The following MYO5A variants were observed in gnomAD, a reference collection of about 807,000 sequenced individuals.
MYO5A encodes unconventional myosin-Va.
In MYO5A, 98 loss-of-function variants were observed where a neutral mutation model predicts 249.7. That is an observed-to-expected ratio of 0.39 (90% CI 0.33 to 0.46). The LOEUF (loss-of-function observed/expected upper bound fraction) is 0.46, where lower values mean the gene tolerates loss of function less well. MYO5A is among the 20% of genes least tolerant of loss of function. The pLI, the probability that MYO5A is intolerant of heterozygous loss-of-function variation, is 0.98. For missense variants in MYO5A, 1,696 were observed against 2,308.8 expected, an observed-to-expected ratio of 0.73 and a Z score of 5.44; for synonymous variants, 778 against 810.6, an observed-to-expected ratio of 0.96 and a Z score of 0.68.
chr15:52,442,556 T>C (rs1038967171), intron 1 of MYO5A, among the ~76,000 whole-genome samples: 3 of 152,232 alleles, frequency 2.0e-5, no homozygotes, highest in South Asian at 2.1e-4. Flanking sequence ...TGAGCACCTT[T>C]TGTGTGCCAG....
Position 52,453,592 on chromosome 15 carries a change from A to G in MYO5A, c.28-20307T>C, listed in dbSNP as rs370258493. ...GATGTGCTTTCAATTCATAACTAGTATAATGTCTGGAAGATAAATCTATCA... is the reference window on the plus strand; with the variant it reads ...GATGTGCTTTCAATTCATAACTAGTGTAATGTCTGGAAGATAAATCTATCA... On this transcript the variant is annotated intron_variant, in intron 1 of 41. Coordinates refer to ENST00000399233, the MANE Select transcript of MYO5A (RefSeq NM_001382347.1). Among the ~76,000 whole-genome samples, 25 of 152,348 alleles carry G rather than the reference A, an allele frequency of 1.6e-4. No individual in the cohort carries two copies. In the East Asian group the frequency reaches 4.8e-3, roughly 29 times the overall value.
At chr15:52,459,147 A>ATTTTTT (rs531798708) in intron 1 of MYO5A, among the ~76,000 whole-genome samples, 4 of 64,248 alleles carry the variant, frequency 6.2e-5, no homozygotes, top group Non-Finnish European at 9.1e-5. Flanking sequence ...TTTTCCAGAA[A>ATTTTTT]TTTTTTTTTT....
intron 1 of MYO5A, among the ~76,000 whole-genome samples, chr15:52,504,865 G>A (rs1263897762): frequency 6.6e-6 from 1 of 151,324 alleles, no homozygotes; most frequent in Non-Finnish European, 1.5e-5. Flanking sequence ...CTCCAGCCCG[G>A]GCGACACAGC....
intron 25 of MYO5A, among the ~76,000 whole-genome samples, chr15:52,356,057 C>T (rs1188205383): frequency 4.6e-5 from 7 of 151,984 alleles, no homozygotes; most frequent in Non-Finnish European, 2.9e-5. Context: ...ACATGTTTAC[C>T]TAAGGTTTTA....
intron 1 of MYO5A, among the ~76,000 whole-genome samples, chr15:52,447,913 C>T (rs183390574): frequency 1.5e-4 from 23 of 152,292 alleles, no homozygotes; most frequent in East Asian, 3.9e-4. Flanking sequence ...AGAAGATGTA[C>T]GGAAAAGCCT....
chr15:52,374,528 T>C (rs143059887), intron 20 of MYO5A, among the ~76,000 whole-genome samples: 184 of 152,382 alleles, frequency 1.2e-3, no homozygotes, highest in African/African-American at 3.7e-3. Flanking sequence ...GGGAGGATTA[T>C]CCTGGATCAC....
At position 52,528,679 on chromosome 15, in the gene MYO5A, G is replaced by A. The variant is rs1388468642; in HGVS notation, c.27+101C>T. ...GCGCTGAAGGGGATGGCGCTGGTGG[G>A]GCTCGCCTGGGCCCGGCGCTCCCGC... On this transcript the variant is annotated intron_variant, in intron 1 of 41. Coordinates refer to ENST00000399233, the MANE Select transcript of MYO5A (RefSeq NM_001382347.1). 4 of 1,344,356 alleles carry A rather than the reference G, an allele frequency of 3.0e-6. No individual in the cohort carries two copies. The African/African-American group carries it at 6.1e-5, about 21-fold the overall frequency. 83.3% of individuals were successfully genotyped at this position (1,344,356 alleles called of 1,614,324 possible).
chr15:52,481,556 T>G (rs955308036), intron 1 of MYO5A, among the ~76,000 whole-genome samples: 1 of 151,704 alleles, frequency 6.6e-6, no homozygotes, highest in African/African-American at 2.4e-5. Flanking sequence ...CCCAGTGGAG[T>G]TTGCAAACCT....
At chr15:52,509,076 A>C (rs1284627424) in intron 1 of MYO5A, among the ~76,000 whole-genome samples, 2 of 151,736 alleles carry the variant, frequency 1.3e-5, no homozygotes, top group African/African-American at 4.9e-5. Context: ...GGCTCAAGTG[A>C]TCTTCCTACC....
At chr15:52,372,938 G>C (rs1473518722) in intron 20 of MYO5A, among the ~76,000 whole-genome samples, 1 of 150,720 alleles carries the variant, frequency 6.6e-6, no homozygotes, top group Non-Finnish European at 1.5e-5. Context: ...GTACTAAAAA[G>C]TTTGTACTGA....
intron 3 of MYO5A, among the ~76,000 whole-genome samples, 188 bp from the exon 4 acceptor site, chr15:52,426,162 T>C (rs1055212146): frequency 1.3e-5 from 2 of 152,210 alleles, no homozygotes; most frequent in African/African-American, 2.4e-5. Flanking sequence ...TTATACATAG[T>C]TCTGCCTAAA....
chr15:52,404,432 G>A (rs1217097996), intron 9 of MYO5A, among the ~76,000 whole-genome samples: 1 of 152,076 alleles, frequency 6.6e-6, no homozygotes, highest in Non-Finnish European at 1.5e-5. Context: ...TAGAGAATCT[G>A]TTTTTACACA....
At position 52,507,803 on chromosome 15, in the gene MYO5A, C is replaced by CAAAAAAAAAAAAAAAAA. The variant is rs146846192; in HGVS notation, c.27+20976_27+20977insTTTTTTTTTTTTTTTTT. Among the ~76,000 whole-genome samples, 240 of 127,112 alleles carry CAAAAAAAAAAAAAAAAA rather than the reference C, an allele frequency of 1.9e-3. 14 individuals carry two copies. Among genetic ancestry groups the CAAAAAAAAAAAAAAAAA allele is most frequent in the Non-Finnish European group, 2.6e-3 (160 of 61,542 alleles). The allele number at this position is 127,112 out of a possible 152,430, so 83.4% of individuals were successfully genotyped here. A position where few individuals can be genotyped will look rare whatever the true frequency, so the allele number is the denominator to read the frequency against. On this transcript the variant is annotated intron_variant, in intron 1 of 41. Coordinates refer to ENST00000399233, the MANE Select transcript of MYO5A (RefSeq NM_001382347.1). Reference sequence around the variant, plus strand: ...TGAGCAACAGAATGAGACCCTGTCCCCAAAAAAAAAAAAAAAAAGTGTAAT... The same window carrying CAAAAAAAAAAAAAAAAA: ...TGAGCAACAGAATGAGACCCTGTCCCAAAAAAAAAAAAAAAAACAAAAAAAAAAAAAAAAAGTGTAAT...
Position 52,372,358 on chromosome 15 carries a change from G to A in MYO5A, c.2583C>T (p.Leu861=), listed in dbSNP as rs543908924. 6.2e-6 allele frequency: 10 copies of A among 1,601,428 alleles called. No homozygotes were observed. In the South Asian group the frequency reaches 9.9e-5, roughly 16 times the overall value. ...GAATGATGACTGCTTTGTGCTCACG[G>A]AGTATCTGCAGAAAAGGATAAGGGC... ...FLARNRYRKI[L]REHKAVIIQK... is the part of the protein sequence containing the mutation. The change falls in exon 21 of 42, where the codon CTC becomes CTT. Residue 861 remains leucine (L), a synonymous_variant. Transcript: ENST00000399233.
chr15:52,505,493 ATC>A, intron 1 of MYO5A: 1 of 1,183,796 alleles, frequency 8.4e-7, no homozygotes, highest in Non-Finnish European at 1.3e-6. Context: ...GATGACATTG[ATC>A]TCTCTGGATC....
intron 1 of MYO5A, among the ~76,000 whole-genome samples, chr15:52,487,509 A>C (rs1223165973): frequency 2.0e-5 from 3 of 152,114 alleles, no homozygotes; most frequent in South Asian, 4.1e-4. Flanking sequence ...AGATCACCTG[A>C]GGTCAGGAGT....
At chr15:52,480,767 T>C (rs974190647) in intron 1 of MYO5A, among the ~76,000 whole-genome samples, 1 of 152,210 alleles carries the variant, frequency 6.6e-6, no homozygotes, top group Non-Finnish European at 1.5e-5. Context: ...CTTAGCATTA[T>C]CTCCCCTAGC....
intron 40 of MYO5A, 107 bp downstream of exon 40, chr15:52,316,941 T>C (rs2038050456): frequency 4.8e-6 from 6 of 1,247,046 alleles, no homozygotes; most frequent in South Asian, 2.5e-5. Flanking sequence ...TGAACACAGA[T>C]GAAGTCAGCT....
At chr15:52,430,738 C>CA (rs1474860295) in intron 2 of MYO5A, among the ~76,000 whole-genome samples, 18 of 152,074 alleles carry the variant, frequency 1.2e-4, no homozygotes, top group African/African-American at 3.9e-4. Flanking sequence ...CTCTGGTTGG[C>CA]AAATCTGCTT....
Sources: allele counts gnomAD v4.1 joint callset (sites outside exome capture counted in the v4.1 genomes callset), GRCh38; gene constraint gnomAD v4.1.1; transcripts MANE v1.5; gene names NCBI Gene and HGNC (gene_info 2026-07-23, HGNC 2026-07-21).